Variants in ETNPPL observed in about 807,000 individuals in gnomAD.
ETNPPL encodes the protein ethanolamine-phosphate phospho-lyase.
In ETNPPL, 30 loss-of-function variants were observed where a neutral mutation model predicts 55.5. The ratio of observed to expected loss-of-function variants is 0.54; its 90% confidence interval spans 0.40 to 0.73. The LOEUF (loss-of-function observed/expected upper bound fraction) is 0.73. Ranked by LOEUF, ETNPPL falls within the 30% of genes least tolerant of loss-of-function variation. ETNPPL has a pLI of 0.00. For missense variants in ETNPPL, 528 were observed against 607.9 expected, an observed-to-expected ratio of 0.87 and a Z score of 1.38; for synonymous variants, 202 against 207.2, an observed-to-expected ratio of 0.98 and a Z score of 0.21.
Position 108,762,974 on chromosome 4 carries a change from T to A in ETNPPL, c.-76A>T. On this transcript the variant is annotated 5_prime_UTR_variant, in exon 1 of 13. In the 5' UTR this introduces an upstream ATG that the reference lacks. Coordinates refer to ENST00000296486, the MANE Select transcript of ETNPPL (RefSeq NM_031279.4). ...CCTCCTACGCGAGCCTGGGACTGCC[T>A]TGGCGGCCCCGGCCGGCCTTCCTCC... 6.8e-7 allele frequency: 1 copy of A among 1,462,178 alleles called. No homozygotes were observed. The highest frequency in any genetic ancestry group is 9.5e-7 in the Non-Finnish European group (1 of 1,048,580). 90.6% of individuals were successfully genotyped at this position (1,462,178 alleles called of 1,614,324 possible). A position where few individuals can be genotyped will look rare whatever the true frequency, so the allele number is the denominator to read the frequency against.
chr4:108,754,810 A>G, intron 4 of ETNPPL, 100 bp from the exon 5 acceptor site: 1 of 739,896 alleles, frequency 1.4e-6, no homozygotes. Flanking sequence ...ATATGCATCC[A>G]TCCAGGGAGA....
chr4:108,752,912 G>C lies in ETNPPL; in HGVS notation c.601C>G (p.His201Asp). 6.3e-7 allele frequency: 1 copy of C among 1,597,436 alleles called. No individual in the cohort carries two copies. Among genetic ancestry groups the C allele is most frequent in the Non-Finnish European group, 8.6e-7 (1 of 1,165,890 alleles). ...ATACAAACCTTCCTTCCACTGTTATGAGCATCTTCAATGATTTTCTTCACT... is the reference window on the plus strand; with the variant it reads ...ATACAAACCTTCCTTCCACTGTTATCAGCATCTTCAATGATTTTCTTCACT... ...DEVKKIIEDA[H>D]NSGRKIAAFI... Residue 201 changes from histidine to aspartate, a missense_variant, in exon 6 of 13, where the codon CAT (histidine) becomes GAT (aspartate). By Grantham distance (81) the His-to-Asp change is moderately conservative. Transcript: ENST00000296486.
rs1409282895 is a variant in ETNPPL, at chr4:108,749,426, C to T, written c.739G>A (p.Glu247Lys). The change falls in exon 8 of 13, where the codon GAA (glutamate) becomes AAA (lysine). Residue 247 changes from glutamate (E) to lysine (K), a missense_variant. By Grantham distance (56) the Glu-to-Lys change is moderately conservative. Transcript: ENST00000296486. The stretch of plus-strand genomic sequence containing the variant: ...ACTCTGCCAAAGCCCACTTGAACTT[C>T]ATCAGCTATAAACACACCCCCTGCA... ...HGAGGVFIAD[E>K]VQVGFGRVGK... 6.2e-7 allele frequency: 1 copy of T among 1,614,066 alleles called. No individual in the cohort carries two copies. The highest frequency in any genetic ancestry group is 8.5e-7 in the Non-Finnish European group (1 of 1,180,000).
chr4:108,756,531 TC>T (rs1480776263), intron 3 of ETNPPL, 39 bp from the exon 4 acceptor site: 1 of 1,493,970 alleles, frequency 6.7e-7, no homozygotes, highest in Non-Finnish European at 9.3e-7. Flanking sequence ...ACTGTGACAG[TC>T]TCTTTTTAAA....
At position 108,746,515 on chromosome 4, in the gene ETNPPL, C is replaced by A. The variant is rs983392345; in HGVS notation, c.1187G>T (p.Arg396Leu). ...AGGTCCATCGGCACTGAGAAGCACTCGTTTTTCTTTCATCCTAATTTGTGT... is the reference window on the plus strand; with the variant it reads ...AGGTCCATCGGCACTGAGAAGCACTAGTTTTTCTTTCATCCTAATTTGTGT... ...QHIIYKMKEK[R>L]VLLSADGPHR... The change falls in exon 11 of 13, where the codon CGA (arginine) becomes CTA (leucine). Residue 396 changes from arginine to leucine, a missense_variant. Arg to Leu is a moderately radical substitution (Grantham distance 102, BLOSUM62 -2). Transcript: ENST00000296486. The A allele has an allele frequency of 1.2e-6, 2 of 1,612,592 alleles. No homozygotes were observed. The highest frequency in any genetic ancestry group is 1.7e-6 in the Non-Finnish European group (2 of 1,179,876).
chr4:108,745,308 AAATT>A (rs965428067), intron 11 of ETNPPL, among the ~76,000 whole-genome samples: 26 of 152,210 alleles, frequency 1.7e-4, no homozygotes, highest in African/African-American at 5.5e-4. Flanking sequence ...AAAAAAATAA[AAATT>A]AAGGCCGGGT....
At chr4:108,758,188 C>T (rs554245588) in intron 3 of ETNPPL, among the ~76,000 whole-genome samples, 1 of 151,856 alleles carries the variant, frequency 6.6e-6, no homozygotes, top group Admixed American at 6.6e-5. Context: ...GACAGGGTTT[C>T]ACCATGTTGG....
Position 108,746,749 on chromosome 4 carries a change from G to A in ETNPPL, c.1172+13C>T, listed in dbSNP as rs1433012748. 1.9e-6 allele frequency: 3 copies of A among 1,610,560 alleles called. No individual in the cohort carries two copies. Among genetic ancestry groups the A allele is most frequent in the East Asian group, 4.5e-5 (2 of 44,848 alleles). The stretch of plus-strand genomic sequence containing the variant: ...GCCAAGATACCAAACAGGTGGGTGT[G>A]GGGGTGAATTACTTGTAGATGATGT... On this transcript the variant is annotated intron_variant, in intron 10 of 12. Coordinates refer to ENST00000296486, the MANE Select transcript of ETNPPL (RefSeq NM_031279.4).
intron 1 of ETNPPL, chr4:108,762,577 C>G: frequency 1.6e-6 from 1 of 627,402 alleles, no homozygotes; most frequent in Non-Finnish European, 2.9e-6. Context: ...CTCTAGCCGG[C>G]CGGCAGCCCC....
At position 108,756,479 on chromosome 4, in the gene ETNPPL, C is replaced by T. The variant is rs1729202679; in HGVS notation, c.349G>A (p.Asp117Asn). 6.2e-7 allele frequency: 1 copy of T among 1,613,554 alleles called. No homozygotes were observed. Among genetic ancestry groups the T allele is most frequent in the Non-Finnish European group, 8.5e-7 (1 of 1,179,612 alleles). ...YFTNSGSEAN[D>N]LALRLARQFR... The stretch of plus-strand genomic sequence containing the variant: ...TGCCGAGCCAGGCGTAAGGCTAAGT[C>T]GTTGGCTTCGGATCTATTAAGATAA... The change falls in exon 4 of 13, where the codon GAC (aspartate) becomes AAC (asparagine). Residue 117 changes from aspartate to asparagine, a missense_variant. Physicochemically the swap from Asp to Asn is conservative, Grantham distance 23. Transcript: ENST00000296486.
intron 3 of ETNPPL, among the ~76,000 whole-genome samples, chr4:108,758,358 T>C (rs28410654): frequency 1.1e-4 from 17 of 152,170 alleles, no homozygotes; most frequent in African/African-American, 3.9e-4. Flanking sequence ...AATATTGCAC[T>C]TTAAGCACAT....
chr4:108,748,865 T>C (rs746910440), intron 8 of ETNPPL, among the ~76,000 whole-genome samples: 1 of 152,082 alleles, frequency 6.6e-6, no homozygotes, highest in Non-Finnish European at 1.5e-5. Flanking sequence ...CAGGTAAAGA[T>C]ACACAAGCAG....
Position 108,748,198 on chromosome 4 carries a change from T to C in ETNPPL, c.928-39A>G, listed in dbSNP as rs768230997. On this transcript the variant is annotated intron_variant, in intron 8 of 12. Coordinates refer to ENST00000296486, the MANE Select transcript of ETNPPL (RefSeq NM_031279.4). ...AAAGACAAATGAGAAAATATACCAG[T>C]TGAATGAGTGGTATTCCCTCATCCA... 12 of 1,497,788 alleles carry C rather than the reference T, an allele frequency of 8.0e-6. No homozygotes were observed. In the South Asian group the frequency reaches 1.4e-4, roughly 18 times the overall value. 92.8% of individuals were successfully genotyped at this position (1,497,788 alleles called of 1,614,324 possible).
intron 9 of ETNPPL, chr4:108,747,734 A>G (rs1728676189): frequency 7.8e-6 from 2 of 255,632 alleles, no homozygotes; most frequent in East Asian, 1.9e-4. Context: ...ATAAACTATT[A>G]TTATTATTGT....
chr4:108,758,962 T>A (rs60439225), intron 3 of ETNPPL, among the ~76,000 whole-genome samples: 25,717 of 151,930 alleles, frequency 0.17, 3,154 homozygotes, highest in East Asian at 0.48. Flanking sequence ...GGCAGGAGAA[T>A]CACTCAAACC....
At chr4:108,756,726 C>T (rs566098955) in intron 3 of ETNPPL, among the ~76,000 whole-genome samples, 2 of 152,002 alleles carry the variant, frequency 1.3e-5, no homozygotes, top group Admixed American at 1.3e-4. Flanking sequence ...CTTGGGAGGC[C>T]GAGGCAAGAG....
chr4:108,748,966 G>T (rs935964815), intron 8 of ETNPPL, among the ~76,000 whole-genome samples: 1 of 152,116 alleles, frequency 6.6e-6, no homozygotes, highest in African/African-American at 2.4e-5. Context: ...AAATCTAGAT[G>T]ACGGGTTGAT....
intron 1 of ETNPPL, 134 bp downstream of exon 1, chr4:108,762,709 C>T (rs920153998): frequency 1.8e-6 from 2 of 1,118,324 alleles, no homozygotes; most frequent in African/African-American, 1.5e-5. Flanking sequence ...GCGCGCGGGG[C>T]GCGTGCACAG....
At chr4:108,760,112 A>G (rs1729436866) in intron 2 of ETNPPL, 76 bp downstream of exon 2, 1 of 1,200,428 alleles carries the variant, frequency 8.3e-7, no homozygotes, top group African/African-American at 1.5e-5. Context: ...AATTCCCCAA[A>G]CAAAAATTAA....
Sources: gnomAD v4.1 joint callset for allele counts (sites outside exome capture counted in the v4.1 genomes callset) on GRCh38, gnomAD v4.1.1 for gene constraint, MANE v1.5 for transcripts, NCBI Gene and HGNC (gene_info 2026-07-23, HGNC 2026-07-21) for gene names.